DAB1: variants seen among roughly 807,000 people sequenced by gnomAD.
The protein encoded by DAB1 is disabled homolog 1.
Under a neutral mutation model 64.6 loss-of-function variants are expected in DAB1, and 15 were observed. The ratio of observed to expected loss-of-function variants is 0.23; its 90% confidence interval spans 0.16 to 0.36. The LOEUF is 0.36. Ranked by LOEUF, DAB1 falls within the 10% of genes least tolerant of loss-of-function variation. DAB1 has a pLI of 1.00. For synonymous variants in DAB1, 235 were observed against 251.9 expected (o/e 0.93, Z 0.64); for missense variants, 596 against 706.7 (o/e 0.84, Z 1.78).
At chr1:57,659,884 C>A (rs1646365155) in intron 6 of DAB1, among the ~76,000 whole-genome samples, 2 of 151,592 alleles carry the variant, frequency 1.3e-5, no homozygotes, top group African/African-American at 2.4e-5. Flanking sequence ...GGCTGAGGCA[C>A]AATAATCGCT....
At chr1:57,214,847 C>T (rs548309386) in intron 2 of DAB1, among the ~76,000 whole-genome samples, 33 of 134,032 alleles carry the variant, frequency 2.5e-4, no homozygotes, top group Admixed American at 1.5e-3. Context: ...GGAGGTGGAG[C>T]TTGTCGTGAG....
At chr1:57,010,468 G>A (rs1038633522) in intron 14 of DAB1, among the ~76,000 whole-genome samples, 16 of 152,162 alleles carry the variant, frequency 1.1e-4, no homozygotes, top group East Asian at 1.9e-4. Flanking sequence ...GGGACATGGT[G>A]CAGACACTGG....
chr1:58,102,949 C>A (rs973230818), intron 5 of DAB1, among the ~76,000 whole-genome samples: 3 of 152,098 alleles, frequency 2.0e-5, no homozygotes, highest in Non-Finnish European at 2.9e-5. Context: ...CTGTGTTTTT[C>A]CAAGAGGCTC....
intron 4 of DAB1, among the ~76,000 whole-genome samples, chr1:57,077,375 A>G (rs1196100581): frequency 6.6e-6 from 1 of 152,200 alleles, no homozygotes; most frequent in Non-Finnish European, 1.5e-5. Flanking sequence ...GTGTTACATA[A>G]TATTTCAGGA....
intron 3 of DAB1, among the ~76,000 whole-genome samples, chr1:58,473,309 G>A (rs185404171): frequency 0.021 from 3,151 of 152,078 alleles, 104 homozygotes; most frequent in African/African-American, 0.071. Flanking sequence ...TTGGGAGGCC[G>A]AGGCGGGTGG....
intron 7 of DAB1, among the ~76,000 whole-genome samples, chr1:57,635,397 G>T (rs1016228305): frequency 6.6e-6 from 1 of 152,104 alleles, no homozygotes; most frequent in African/African-American, 2.4e-5. Context: ...CCCATCGCTT[G>T]CGTTACTGCC....
At chr1:57,999,492 G>T (rs999128961) in intron 5 of DAB1, among the ~76,000 whole-genome samples, 5 of 152,206 alleles carry the variant, frequency 3.3e-5, no homozygotes, top group Non-Finnish European at 7.3e-5. Flanking sequence ...CCATAGCCAG[G>T]AAATAGTGGG....
intron 4 of DAB1, among the ~76,000 whole-genome samples, chr1:58,296,257 G>GAAAGAAAA (rs1661989951): frequency 7.2e-6 from 1 of 138,870 alleles, no homozygotes; most frequent in African/African-American, 2.7e-5. Context: ...AAGAAAGAAA[G>GAAAGAAAA]AAAGAAAAGT....
chr1:58,072,632 C>T (rs971530290), intron 5 of DAB1, among the ~76,000 whole-genome samples: 1 of 152,226 alleles, frequency 6.6e-6, no homozygotes, highest in Non-Finnish European at 1.5e-5. Context: ...TATCCTGTCT[C>T]ATTTTTTGAG....
At chr1:57,304,006 G>A (rs558792670) in intron 1 of DAB1, among the ~76,000 whole-genome samples, 2 of 152,222 alleles carry the variant, frequency 1.3e-5, no homozygotes, top group South Asian at 2.1e-4. Context: ...ACCTGTCATC[G>A]GAACCCTTAA....
chr1:57,075,973 G>C (rs1651950277), intron 4 of DAB1, among the ~76,000 whole-genome samples: 1 of 152,294 alleles, frequency 6.6e-6, no homozygotes, highest in South Asian at 2.1e-4. Flanking sequence ...GATTCAGGCA[G>C]GTATCTGAGA....
At chr1:57,857,330 G>C (rs1653798706) in intron 1 of DAB1, among the ~76,000 whole-genome samples, 1 of 152,198 alleles carries the variant, frequency 6.6e-6, no homozygotes, top group Non-Finnish European at 1.5e-5. Context: ...AGTAATCTCT[G>C]AATGACTAAA....
chr1:57,339,199 A>G (rs1677360893), intron 1 of DAB1, among the ~76,000 whole-genome samples: 1 of 148,342 alleles, frequency 6.7e-6, no homozygotes, highest in African/African-American at 2.5e-5. Context: ...TCTGTCGCCC[A>G]GGCTGGAGGG....
In DAB1 at chr1:57,353,101, A is replaced by G. The variant is rs539696602; in HGVS notation, c.-136-61935T>C. ...ATGTATACATATTTTCCATATATAT[A>G]TATTTTTTTCCATACACACACACAC... On this transcript the variant is annotated intron_variant, in intron 1 of 14. Coordinates refer to ENST00000371236, the MANE Select transcript of DAB1 (RefSeq NM_001365792.1). Among the ~76,000 whole-genome samples, 15 of 132,362 alleles carry G rather than the reference A, an allele frequency of 1.1e-4. No individual in the cohort carries two copies. The East Asian group carries it at 3.2e-3, about 28-fold the overall frequency. The allele number at this position is 132,362 out of a possible 152,430, so 86.8% of individuals were successfully genotyped here. A position where few individuals can be genotyped will look rare whatever the true frequency, so the allele number is the denominator to read the frequency against.
At chr1:57,439,670 G>A (rs5018073) in intron 7 of DAB1, among the ~76,000 whole-genome samples, 33,958 of 119,018 alleles carry the variant, frequency 0.29, 6,848 homozygotes, top group African/African-American at 0.43. Flanking sequence ...CTCATGATCT[G>A]CCTGCCTCGG....
intron 6 of DAB1, among the ~76,000 whole-genome samples, chr1:57,770,941 C>T (rs1649531919): frequency 6.6e-6 from 1 of 152,120 alleles, no homozygotes; most frequent in African/African-American, 2.4e-5. Context: ...CTAATCCATA[C>T]TGAGCAGATT....
chr1:57,422,313 C>G lies in DAB1; in HGVS notation c.-137+1617G>C, dbSNP rs79906980. ...GAAACGACGGCGCGGATTCTCGCCCCGGTCCCCGCCGGCTGGCTAGGAGCT... is the reference window on the plus strand; with the variant it reads ...GAAACGACGGCGCGGATTCTCGCCCGGGTCCCCGCCGGCTGGCTAGGAGCT... On this transcript the variant is annotated intron_variant, in intron 1 of 14. Transcript: ENST00000371236. Among the ~76,000 whole-genome samples, 7 of 152,234 alleles carry G rather than the reference C, an allele frequency of 4.6e-5. No individual in the cohort carries two copies. The East Asian group carries it at 9.7e-4, about 21-fold the overall frequency.
chr1:58,021,770 G>T (rs1646818545), intron 5 of DAB1, among the ~76,000 whole-genome samples: 1 of 152,138 alleles, frequency 6.6e-6, no homozygotes. Context: ...TAGAAAATTA[G>T]GTAAAATGAA....
intron 5 of DAB1, among the ~76,000 whole-genome samples, chr1:58,114,726 G>T (rs1231590163): frequency 1.3e-5 from 2 of 152,156 alleles, no homozygotes; most frequent in Admixed American, 6.5e-5. Context: ...TTTTACAGCA[G>T]CAGACACTGC....
Sources: allele counts gnomAD v4.1 joint callset (sites outside exome capture counted in the v4.1 genomes callset), GRCh38; gene constraint gnomAD v4.1.1; transcripts MANE v1.5; gene names NCBI Gene and HGNC (gene_info 2026-07-23, HGNC 2026-07-21).